ADAMTSL1: variants seen among roughly 807,000 people sequenced by gnomAD.
The protein encoded by ADAMTSL1 is ADAMTS like 1.
Under a neutral mutation model 201.8 loss-of-function variants are expected in ADAMTSL1, and 126 were observed. The ratio of observed to expected loss-of-function variants is 0.62; its 90% CI spans 0.54 to 0.72. The LOEUF is 0.72. Ranked by LOEUF, ADAMTSL1 falls within the 30% of genes least tolerant of loss-of-function variation. ADAMTSL1 has a pLI of 0.00. For synonymous variants in ADAMTSL1, 1,121 were observed against 903.4 expected (o/e 1.24, Z -4.32); for missense variants, 2,679 against 2,277.8 (o/e 1.18, Z -3.59).
chr9:18,302,877 T>C (rs1833760878), intron 2 of ADAMTSL1, among the ~76,000 whole-genome samples: 2 of 152,208 alleles, frequency 1.3e-5, no homozygotes, highest in Non-Finnish European at 2.9e-5. Context: ...TGGTTGTTAC[T>C]TTTTTGAGTG....
chr9:18,212,095 A>G (rs1372906814), intron 2 of ADAMTSL1, among the ~76,000 whole-genome samples: 2 of 152,172 alleles, frequency 1.3e-5, no homozygotes, highest in Non-Finnish European at 2.9e-5. Flanking sequence ...GGCACCAGAA[A>G]AAATTCTGGA....
rs575806535 is a variant in ADAMTSL1, at chr9:18,410,849, T to C, written c.208-93980T>C. 5.3e-5 allele frequency among the ~76,000 whole-genome samples: 8 copies of C among 150,538 alleles called. 1 individual carries two copies. The East Asian group carries it at 7.8e-4, about 15-fold the overall frequency. On this transcript the variant is annotated intron_variant, in intron 2 of 29. Coordinates refer to the ADAMTSL1 transcript ENST00000680146. ...GTAGATTTTCTGTCTTCTTCTTCTT[T>C]TTTTTTTTTTTTAGACACAGTCTTG... is the stretch of plus-strand genomic sequence containing the variant.
At chr9:18,631,054 TGA>T (rs1348047869) in intron 5 of ADAMTSL1, among the ~76,000 whole-genome samples, 1 of 152,178 alleles carries the variant, frequency 6.6e-6, no homozygotes, top group Non-Finnish European at 1.5e-5. Flanking sequence ...ATCGCCTGAG[TGA>T]GAGGGAATAT....
At chr9:18,601,079 C>G (rs1824618267) in intron 4 of ADAMTSL1, among the ~76,000 whole-genome samples, 2 of 152,144 alleles carry the variant, frequency 1.3e-5, no homozygotes, top group South Asian at 4.1e-4. Context: ...TTCTCTATCT[C>G]CTTTTGAAAA....
At chr9:18,400,216 T>C (rs1342756752) in intron 2 of ADAMTSL1, among the ~76,000 whole-genome samples, 2 of 117,062 alleles carry the variant, frequency 1.7e-5, no homozygotes, top group African/African-American at 6.2e-5. Flanking sequence ...TTTTACATTA[T>C]TGTCCTACTG....
At chr9:18,201,523 G>C (rs576800778) in intron 2 of ADAMTSL1, among the ~76,000 whole-genome samples, 4 of 151,856 alleles carry the variant, frequency 2.6e-5, no homozygotes, top group Admixed American at 2.6e-4. Flanking sequence ...TACTTTTTCT[G>C]TGCCCCACCT....
intron 5 of ADAMTSL1, among the ~76,000 whole-genome samples, chr9:18,629,412 A>C (rs2132723321): frequency 6.6e-6 from 1 of 152,286 alleles, no homozygotes; most frequent in East Asian, 1.9e-4. Flanking sequence ...AGATTGAGGA[A>C]GTTCCCTTCC....
chr9:18,895,434 C>T (rs1371907250), intron 26 of ADAMTSL1, among the ~76,000 whole-genome samples: 2 of 71,694 alleles, frequency 2.8e-5, no homozygotes. Context: ...CCCACCCCCT[C>T]CCCCCAATGT....
chr9:18,179,077 C>G (rs1008296530), intron 2 of ADAMTSL1, among the ~76,000 whole-genome samples: 2 of 152,172 alleles, frequency 1.3e-5, no homozygotes, highest in African/African-American at 4.8e-5. Flanking sequence ...TCAAATTACT[C>G]CGAGCTACGG....
intron 2 of ADAMTSL1, among the ~76,000 whole-genome samples, chr9:18,230,783 C>T (rs1830619580): frequency 6.6e-6 from 1 of 152,116 alleles, no homozygotes; most frequent in Non-Finnish European, 1.5e-5. Context: ...TGACCAAACT[C>T]ATGGTAGCTT....
At chr9:18,725,098 G>T (rs902392667) in intron 15 of ADAMTSL1, among the ~76,000 whole-genome samples, 1 of 152,172 alleles carries the variant, frequency 6.6e-6, no homozygotes, top group African/African-American at 2.4e-5. Flanking sequence ...AGTAGGGACG[G>T]GGTTTCACCA....
At chr9:18,315,193 T>C (rs1363410708) in intron 2 of ADAMTSL1, among the ~76,000 whole-genome samples, 1 of 152,112 alleles carries the variant, frequency 6.6e-6, no homozygotes, top group Non-Finnish European at 1.5e-5. Context: ...CACAGAGTGC[T>C]GATTGGAGCA....
rs76210256 is a variant in ADAMTSL1, at chr9:18,797,260, C to T, written c.3805+1736C>T. Among the ~76,000 whole-genome samples, 951 of 152,340 alleles carry T rather than the reference C, an allele frequency of 6.2e-3. 14 individuals are homozygous for T. Among genetic ancestry groups the T allele is most frequent in the South Asian group, 0.035 (169 of 4,826 alleles). On this transcript the variant is annotated intron_variant, in intron 20 of 28. Coordinates refer to ENST00000380548, the MANE Select transcript of ADAMTSL1 (RefSeq NM_001040272.6). ...GGTTTGTATAGGTCTGCTGGAAAGT[C>T]TATCAAGCAGTCCCTCTAAAAACAA...
chr9:18,007,584 G>A (rs1397967375), intron 1 of ADAMTSL1, among the ~76,000 whole-genome samples: 2 of 151,958 alleles, frequency 1.3e-5, no homozygotes, highest in African/African-American at 2.4e-5. Flanking sequence ...CGAGGCAGGT[G>A]GATTAGATAA....
At chr9:18,679,995 A>T (rs1830363393) in intron 10 of ADAMTSL1, among the ~76,000 whole-genome samples, 1 of 152,222 alleles carries the variant, frequency 6.6e-6, no homozygotes, top group Non-Finnish European at 1.5e-5. Flanking sequence ...TCCTGAAACT[A>T]TGGGAGAAGG....
chr9:17,923,513 G>A (rs549400973), intron 1 of ADAMTSL1, among the ~76,000 whole-genome samples: 2 of 152,134 alleles, frequency 1.3e-5, no homozygotes, highest in South Asian at 2.1e-4. Flanking sequence ...CTTTGCTGAA[G>A]GAGATTTTGG....
chr9:18,179,670 G>A (rs896051878), intron 2 of ADAMTSL1, among the ~76,000 whole-genome samples: 24 of 150,904 alleles, frequency 1.6e-4, no homozygotes, highest in African/African-American at 3.4e-4. Flanking sequence ...GACTAACAGC[G>A]GATCTCTCGG....
At chr9:18,739,899 C>CTA (rs1818719949) in intron 15 of ADAMTSL1, among the ~76,000 whole-genome samples, 2 of 148,118 alleles carry the variant, frequency 1.4e-5, no homozygotes, top group African/African-American at 5.0e-5. Flanking sequence ...TGTCTACTAT[C>CTA]TGTGTGTGTG....
At chr9:17,970,594 G>C (rs560313755) in intron 1 of ADAMTSL1, among the ~76,000 whole-genome samples, 1 of 151,936 alleles carries the variant, frequency 6.6e-6, no homozygotes, top group Non-Finnish European at 1.5e-5. Flanking sequence ...CTGTATTTTT[G>C]CTGTTTCCTG....
Sources: allele counts gnomAD v4.1 joint callset (sites outside exome capture counted in the v4.1 genomes callset), GRCh38; gene constraint gnomAD v4.1.1; transcripts MANE v1.5; gene names NCBI Gene and HGNC (gene_info 2026-07-23, HGNC 2026-07-21).